Variants in DIP2C observed in about 807,000 individuals in gnomAD.
DIP2C encodes the protein disco-interacting protein 2 homolog C.
In DIP2C, 33 loss-of-function variants were observed where a neutral mutation model predicts 192.4. That is an observed-to-expected ratio of 0.17 (90% confidence interval 0.13 to 0.23). The LOEUF is 0.23. Ranked by LOEUF, DIP2C falls within the 10% of genes least tolerant of loss-of-function variation. DIP2C has a pLI of 1.00. For missense variants in DIP2C, 1,537 were observed against 2,110.1 expected, an observed-to-expected ratio of 0.73 and a Z score of 5.32; for synonymous variants, 979 against 864.1, an observed-to-expected ratio of 1.13 and a Z score of -2.33.
chr10:426,223 TAAGAA>T lies in DIP2C; in HGVS notation c.395-3195_395-3191del, dbSNP rs1235038308. Among the ~76,000 whole-genome samples the T allele has an allele frequency of 3.4e-5, 5 of 148,026 alleles. No individual in the cohort carries two copies. In the South Asian group the frequency reaches 6.3e-4, roughly 19 times the overall value. ...GCAATAAACAACCTGAGAATAAAGT[TAAGAA>T]AATAGTTCCATTCACAGTAACATCA... On this transcript the variant is annotated intron_variant, in intron 4 of 36. Transcript: ENST00000280886.
intron 1 of DIP2C, among the ~76,000 whole-genome samples, chr10:514,869 G>A (rs1422987707): frequency 1.3e-5 from 2 of 152,176 alleles, no homozygotes; most frequent in African/African-American, 2.4e-5. Flanking sequence ...CACTGTGGAA[G>A]TGAAGGGGGT....
chr10:340,163 A>T (rs1958072877), intron 29 of DIP2C, among the ~76,000 whole-genome samples: 1 of 151,946 alleles, frequency 6.6e-6, no homozygotes. Flanking sequence ...CCTGGGTGAC[A>T]GAGCAAGACT....
At chr10:543,738 TTC>T (rs367589040) in intron 1 of DIP2C, among the ~76,000 whole-genome samples, 27 of 152,378 alleles carry the variant, frequency 1.8e-4, no homozygotes, top group African/African-American at 6.0e-4. Context: ...GTTCTTTAGT[TTC>T]TTTTTACATT....
rs1279819719 is a variant in DIP2C at position 652,561 on chromosome 10, C to G, written c.85+36933G>C. 6.5e-6 allele frequency: 1 copy of G among 154,022 alleles called. No individual in the cohort carries two copies. Among genetic ancestry groups the G allele is most frequent in the African/African-American group, 2.4e-5 (1 of 41,422 alleles). The allele number at this position is 154,022 out of a possible 1,614,324, so 9.5% of individuals were successfully genotyped here. ...AACGGAGCTGCAGTGGGAGGCGGGA[C>G]ATGCTGGGATCTACCCATGGCCAGG... is the stretch of plus-strand genomic sequence containing the variant. On this transcript the variant is annotated intron_variant, in intron 1 of 36. Transcript: ENST00000280886. The surrounding 1 kb of genome is among the most constrained non-coding windows in gnomAD (Gnocchi z 4.5).
chr10:358,359 C>T (rs760556125), intron 22 of DIP2C, among the ~76,000 whole-genome samples: 12 of 150,948 alleles, frequency 7.9e-5, no homozygotes, highest in Non-Finnish European at 1.2e-4. Context: ...TGAGAGCTGG[C>T]TGTGGACAAA....
chr10:571,131 C>T (rs1849771613), intron 1 of DIP2C, among the ~76,000 whole-genome samples: 1 of 152,250 alleles, frequency 6.6e-6, no homozygotes, highest in African/African-American at 2.4e-5. Flanking sequence ...TGAGGAATCC[C>T]TGACATTTCC....
At chr10:597,822 C>T (rs772764193) in intron 1 of DIP2C, among the ~76,000 whole-genome samples, 1 of 152,164 alleles carries the variant, frequency 6.6e-6, no homozygotes, top group South Asian at 2.1e-4. Context: ...ACACAGCTTA[C>T]ACCCATGAGG....
chr10:529,530 T>C (rs575552960), intron 1 of DIP2C, among the ~76,000 whole-genome samples: 1 of 152,264 alleles, frequency 6.6e-6, no homozygotes, highest in African/African-American at 2.4e-5. Context: ...CATAAAGTAG[T>C]GAGCTATGTA....
chr10:633,227 G>A (rs1351889826), intron 1 of DIP2C, among the ~76,000 whole-genome samples: 1 of 152,236 alleles, frequency 6.6e-6, no homozygotes, highest in South Asian at 2.1e-4. Context: ...TCAAAGCTTA[G>A]GCACGTGGGT....
At chr10:340,553 G>C (rs995026274) in intron 29 of DIP2C, 24 of 352,992 alleles carry the variant, frequency 6.8e-5, no homozygotes, top group Admixed American at 1.5e-4. Flanking sequence ...TCTTTATCAG[G>C]TGCTATGATT....
At chr10:370,574 T>A (rs1960839419) in intron 17 of DIP2C, among the ~76,000 whole-genome samples, 1 of 152,224 alleles carries the variant, frequency 6.6e-6, no homozygotes, top group Admixed American at 6.5e-5. Context: ...CACTGCTGCA[T>A]CCCAGCCCTG....
intron 3 of DIP2C, among the ~76,000 whole-genome samples, chr10:468,237 A>C (rs1197700768): frequency 1.3e-5 from 2 of 152,210 alleles, no homozygotes; most frequent in Non-Finnish European, 2.9e-5. Flanking sequence ...AGTATATCTA[A>C]ATTTAGAGAA....
intron 1 of DIP2C, among the ~76,000 whole-genome samples, chr10:688,747 G>A (rs963211184): frequency 6.6e-6 from 1 of 152,228 alleles, no homozygotes; most frequent in Admixed American, 6.5e-5. Flanking sequence ...AATAAGAGGC[G>A]TACACAACCC....
At chr10:511,552 C>T (rs899392781) in intron 1 of DIP2C, among the ~76,000 whole-genome samples, 2 of 152,162 alleles carry the variant, frequency 1.3e-5, no homozygotes, top group African/African-American at 2.4e-5. Flanking sequence ...AACACGTCTT[C>T]CAGGTTCATT....
intron 1 of DIP2C, among the ~76,000 whole-genome samples, chr10:637,057 G>A (rs1854881050): frequency 6.6e-6 from 1 of 152,250 alleles, no homozygotes; most frequent in Admixed American, 6.5e-5. Context: ...GCACAGGCGT[G>A]GGGCAAGAAC....
intron 1 of DIP2C, chr10:663,004 G>T (rs1387909540): frequency 1.4e-6 from 1 of 709,838 alleles, no homozygotes. Flanking sequence ...CACACAAAAG[G>T]GTTTCTATGT....
At chr10:568,381 T>C (rs1432046194) in intron 1 of DIP2C, among the ~76,000 whole-genome samples, 4 of 152,116 alleles carry the variant, frequency 2.6e-5, no homozygotes, top group African/African-American at 7.2e-5. Context: ...ACAAGTTTCA[T>C]AGACCCAAAT....
At chr10:377,181 T>C (rs1961710429) in intron 17 of DIP2C, among the ~76,000 whole-genome samples, 1 of 147,572 alleles carries the variant, frequency 6.8e-6, no homozygotes, top group Non-Finnish European at 1.5e-5. Flanking sequence ...TATTTACAGA[T>C]ACTTAATTTT....
In DIP2C at chr10:647,268, G is replaced by A. The variant is rs895461159; in HGVS notation, c.85+42226C>T. ...AACTGAGTCCACGTCCACATTGGAC[G>A]GTGGGAGAGAACAGAGGGAAACTGA... On this transcript the variant is annotated intron_variant, in intron 1 of 36. Transcript: ENST00000280886. Among the ~76,000 whole-genome samples the A allele has an allele frequency of 6.6e-5, 10 of 151,674 alleles. 1 individual carries two copies. Among genetic ancestry groups the A allele is most frequent in the South Asian group, 4.2e-4 (2 of 4,800 alleles).
Sources: allele counts gnomAD v4.1 joint callset (sites outside exome capture counted in the v4.1 genomes callset), GRCh38; gene constraint gnomAD v4.1.1; non-coding constraint Gnocchi (gnomAD v3.1); transcripts MANE v1.5; gene names NCBI Gene and HGNC (gene_info 2026-07-23, HGNC 2026-07-21).